Variants in CCDC77 observed in about 807,000 individuals in gnomAD.
CCDC77 encodes coiled-coil domain containing 77.
CCDC77 carries 56 observed loss-of-function variants against 66.8 expected under a neutral mutation model. That is an observed-to-expected ratio of 0.84 (90% CI 0.68 to 1.05). The LOEUF (loss-of-function observed/expected upper bound fraction) is 1.05, where lower values mean the gene tolerates loss of function less well. Among genes scored for constraint, CCDC77 ranks in the 50% least tolerant of loss-of-function variants. CCDC77 has a pLI of 0.00. For missense variants in CCDC77, 570 were observed against 576.8 expected, an observed-to-expected ratio of 0.99 and a Z score of 0.12; for synonymous variants, 196 against 195.2, an observed-to-expected ratio of 1.00 and a Z score of -0.03.
Position 431,867 on chromosome 12 carries a change from TC to T in CCDC77, c.587del (p.Pro196LeufsTer3). 1 of 1,590,198 alleles carries T rather than the reference TC, an allele frequency of 6.3e-7. No homozygotes were observed. Among genetic ancestry groups the T allele is most frequent in the Non-Finnish European group, 8.6e-7 (1 of 1,163,622 alleles). ...QSESSAFKAD[P>X]KISKRRPSRE... ...GATGGATTTTGTTTTCTATTTTAGA[TC>T]CTAAAATAAGCAAAAGAAGACCATC... On this transcript the variant is annotated frameshift_variant and splice_region_variant, in exon 8 of 13. Coordinates refer to ENST00000239830, the MANE Select transcript of CCDC77 (RefSeq NM_032358.4). LOFTEE classifies it high-confidence loss of function.
At chr12:424,963 C>G (rs1362836647) in intron 5 of CCDC77, among the ~76,000 whole-genome samples, 3 of 149,874 alleles carry the variant, frequency 2.0e-5, no homozygotes, top group Admixed American at 6.6e-5. Flanking sequence ...CAGGGTCTCC[C>G]TCTGTCACCC....
chr12:397,454 A>G (rs1490845167), upstream of CCDC77, among the ~76,000 whole-genome samples: 2 of 152,176 alleles, frequency 1.3e-5, no homozygotes, highest in Non-Finnish European at 2.9e-5. Flanking sequence ...TTGGGAGTAC[A>G]GGCATAACTT....
intron 5 of CCDC77, among the ~76,000 whole-genome samples, chr12:428,429 T>C (rs1945575669): frequency 2.1e-5 from 3 of 140,274 alleles, no homozygotes; most frequent in South Asian, 4.4e-4. Context: ...GAGAATGGCG[T>C]GAACCCGGCA....
At position 438,521 on chromosome 12, in the gene CCDC77, T is replaced by C. The variant is rs146691193; in HGVS notation, c.1008T>C (p.His336=). ...TTGGAAAAGTGTTGCCCGTTATGCA[T>C]GAGAGTCACCATGCTCAAAGTGAAT... ...DKIGKVLPVM[H]ESHHAQSEYI... The change falls in exon 10 of 13, where the codon CAT becomes CAC. Residue 336 remains histidine (H), a synonymous_variant. Coordinates refer to ENST00000239830, the MANE Select transcript of CCDC77 (RefSeq NM_032358.4). 2 of 1,613,592 alleles carry C rather than the reference T, an allele frequency of 1.2e-6. No individual in the cohort carries two copies. Among genetic ancestry groups the C allele is most frequent in the African/African-American group, 1.3e-5 (1 of 75,034 alleles).
At position 428,756 on chromosome 12, in the gene CCDC77, A is replaced by G. The variant is rs773566627; in HGVS notation, c.414-13A>G. 3.8e-6 allele frequency: 6 copies of G among 1,575,372 alleles called. No homozygotes were observed. The highest frequency in any genetic ancestry group is 2.3e-5 in the East Asian group (1 of 44,042). ...ATTTAATAATATGTGCTTGCTTTCCATGAGAATTGCAGGGAGCTAGAAGAC... is the reference window on the plus strand; with the variant it reads ...ATTTAATAATATGTGCTTGCTTTCCGTGAGAATTGCAGGGAGCTAGAAGAC... On this transcript the variant is annotated splice_polypyrimidine_tract_variant and intron_variant, in intron 5 of 12. Coordinates refer to ENST00000239830, the MANE Select transcript of CCDC77 (RefSeq NM_032358.4).
At chr12:407,314 T>C (rs1945013813) in intron 2 of CCDC77, among the ~76,000 whole-genome samples, 1 of 152,214 alleles carries the variant, frequency 6.6e-6, no homozygotes, top group Non-Finnish European at 1.5e-5. Flanking sequence ...GTTTGTCTGT[T>C]TGTCATAAAC....
In CCDC77 at chr12:404,745, G is replaced by A. The variant is rs370797080; in HGVS notation, c.-70-766G>A. 2.6e-3 allele frequency among the ~76,000 whole-genome samples: 376 copies of A among 146,662 alleles called. 1 individual carries two copies. The highest frequency in any genetic ancestry group is 0.025 in the South Asian group (118 of 4,648). ...ACTTTTTTTTTTTTTTTTTTGAGACGGAGTTTCGCTCTTGTTGCCCAGGCT... is the reference window on the plus strand; with the variant it reads ...ACTTTTTTTTTTTTTTTTTTGAGACAGAGTTTCGCTCTTGTTGCCCAGGCT... On this transcript the variant is annotated intron_variant, in intron 1 of 12. Coordinates refer to ENST00000239830, the MANE Select transcript of CCDC77 (RefSeq NM_032358.4).
At chr12:440,568 C>T in intron 10 of CCDC77, 49 bp from the exon 11 acceptor site, 1 of 1,593,320 alleles carries the variant, frequency 6.3e-7, no homozygotes, top group Non-Finnish European at 8.6e-7. Context: ...CTTGAATTAC[C>T]TGAATTGTAG....
chr12:438,345 A>G lies in CCDC77; in HGVS notation c.832A>G (p.Thr278Ala). Residue 278 changes from threonine (T) to alanine (A), a missense_variant, in exon 10 of 13, where the codon ACC becomes GCC. Physicochemically the swap from Thr to Ala is moderately conservative, Grantham distance 58 (BLOSUM62 0). Transcript: ENST00000239830. ...TACTTTCTTTCCTAGTCTTCACCACACCCAAGAACTGCTCTATGAGAGCAC... is the reference window on the plus strand; with the variant it reads ...TACTTTCTTTCCTAGTCTTCACCACGCCCAAGAACTGCTCTATGAGAGCAC... Reference protein sequence around the residue: ...IKELTKNLHHTQELLYESTKD... With the variant: ...IKELTKNLHHAQELLYESTKD... 1.2e-6 allele frequency: 2 copies of G among 1,611,216 alleles called. No individual in the cohort carries two copies. Among genetic ancestry groups the G allele is most frequent in the Non-Finnish European group, 1.7e-6 (2 of 1,178,844 alleles).
intron 12 of CCDC77, 34 bp from the exon 13 acceptor site, chr12:441,740 C>T: frequency 6.6e-7 from 1 of 1,515,040 alleles, no homozygotes; most frequent in South Asian, 1.2e-5. Context: ...ATGCCATCAT[C>T]ATTTCTTTTT....
chr12:389,929 T>C (rs375599751), intron 1 of CCDC77: 1 of 152,406 alleles, frequency 6.6e-6, no homozygotes, highest in African/African-American at 2.4e-5. Context: ...TCCTGCCAGC[T>C]GGCTTTAGCC....
chr12:431,049 CAG>C (rs1945639498), intron 7 of CCDC77, among the ~76,000 whole-genome samples: 1 of 115,954 alleles, frequency 8.6e-6, no homozygotes, highest in Non-Finnish European at 1.6e-5. Context: ...CATTGCGTGA[CAG>C]AGCAAGACTA....
At chr12:437,845 TA>T (rs3043231) in intron 9 of CCDC77, among the ~76,000 whole-genome samples, 62 of 124,486 alleles carry the variant, frequency 5.0e-4, no homozygotes, top group Non-Finnish European at 4.2e-4. Context: ...GACCCTGTCT[TA>T]AAAAAAAAAA....
chr12:389,594 C>T (rs1487485528), intron 1 of CCDC77: 4 of 270,952 alleles, frequency 1.5e-5, no homozygotes, highest in East Asian at 6.2e-5. Flanking sequence ...CGAGGCGCGA[C>T]GCGACGTGAC....
rs544839332 is a variant in CCDC77, at chr12:401,662, C to T, written c.-93C>T. 6.6e-6 allele frequency: 1 copy of T among 152,344 alleles called. No homozygotes were observed. Among genetic ancestry groups the T allele is most frequent in the African/African-American group, 2.4e-5 (1 of 41,460 alleles). 9.4% of individuals were successfully genotyped at this position (152,344 alleles called of 1,614,324 possible). On this transcript the variant is annotated 5_prime_UTR_variant, in exon 1 of 13. Transcript: ENST00000239830. ...GACTTTTGTTTTTCAGTTGCGTTCC[C>T]TGACTCGGAGTCTTAGTGTGTCGTG...
At chr12:393,773 C>A (rs1332306982) in intron 1 of CCDC77, among the ~76,000 whole-genome samples, 3 of 152,198 alleles carry the variant, frequency 2.0e-5, no homozygotes, top group African/African-American at 7.2e-5. Flanking sequence ...CTCAGGTGAT[C>A]CACCTGCCTC....
At chr12:391,250 G>C (rs375263269) in intron 1 of CCDC77, among the ~76,000 whole-genome samples, 45 of 152,270 alleles carry the variant, frequency 3.0e-4, no homozygotes, top group African/African-American at 1.1e-3. Context: ...TCAGGAGTTT[G>C]AGACCAGCCT....
intron 4 of CCDC77, 121 bp downstream of exon 4, chr12:412,099 C>A: frequency 3.9e-6 from 3 of 763,270 alleles, no homozygotes; most frequent in Non-Finnish European, 4.2e-6. Flanking sequence ...TTTTTATTCC[C>A]CAGCCCAGCT....
chr12:390,705 G>A (rs1216859314), intron 1 of CCDC77, among the ~76,000 whole-genome samples: 1 of 150,300 alleles, frequency 6.7e-6, no homozygotes. Context: ...ATAATCAAGT[G>A]AGTCAAGTCC....
Sources: allele counts gnomAD v4.1 joint callset (sites outside exome capture counted in the v4.1 genomes callset), GRCh38; gene constraint gnomAD v4.1.1; transcripts MANE v1.5; gene names NCBI Gene and HGNC (gene_info 2026-07-23, HGNC 2026-07-21).